Variants in RBFOX3 observed in about 807,000 individuals in gnomAD.
The protein encoded by RBFOX3 is RNA binding fox-1 homolog 3, also known as RNA binding protein fox-1 homolog 3.
Under a neutral mutation model 48.7 loss-of-function variants are expected in RBFOX3, and 17 were observed. That is an observed-to-expected ratio of 0.35 (90% CI 0.24 to 0.52). The LOEUF is 0.52. Ranked by LOEUF, RBFOX3 falls within the 20% of genes least tolerant of loss-of-function variation. The pLI, the probability that RBFOX3 is intolerant of heterozygous loss-of-function variation, is 0.94. For missense variants in RBFOX3, 382 were observed against 497.5 expected (o/e 0.77, Z 2.21); for synonymous variants, 212 against 209.5 (o/e 1.01, Z -0.10).
chr17:79,293,141 C>T (rs890378452), intron 3 of RBFOX3, among the ~76,000 whole-genome samples: 5 of 152,180 alleles, frequency 3.3e-5, no homozygotes, highest in Non-Finnish European at 7.3e-5. Flanking sequence ...TCATTTGACC[C>T]TTCCATCAGA....
At chr17:79,335,786 A>T (rs1438568451) in intron 2 of RBFOX3, among the ~76,000 whole-genome samples, 1 of 152,084 alleles carries the variant, frequency 6.6e-6, no homozygotes, top group Non-Finnish European at 1.5e-5. Flanking sequence ...TCCACATCTC[A>T]GATCCCCAAA....
intron 4 of RBFOX3, among the ~76,000 whole-genome samples, chr17:79,130,832 C>T (rs910609583): frequency 1.3e-5 from 2 of 152,274 alleles, no homozygotes; most frequent in Non-Finnish European, 2.9e-5. Context: ...TCTGGCCTCC[C>T]TGCCTGGAGG....
chr17:79,581,264 A>C (rs1277182348), intron 1 of RBFOX3, among the ~76,000 whole-genome samples: 1 of 151,860 alleles, frequency 6.6e-6, no homozygotes, highest in Non-Finnish European at 1.5e-5. Flanking sequence ...AAACAAAACA[A>C]ACAAAAAAAC....
intron 1 of RBFOX3, among the ~76,000 whole-genome samples, chr17:79,544,678 C>T (rs1458522889): frequency 6.6e-6 from 1 of 151,990 alleles, no homozygotes; most frequent in Non-Finnish European, 1.5e-5. Flanking sequence ...TGGCTGCCTT[C>T]CCCAGGGCTC....
At chr17:79,125,421 C>T (rs62064682) in intron 4 of RBFOX3, among the ~76,000 whole-genome samples, 7 of 152,228 alleles carry the variant, frequency 4.6e-5, no homozygotes, top group Non-Finnish European at 8.8e-5. Context: ...GAGCTGAGGA[C>T]CCCCAGAGGT....
chr17:79,291,793 A>G (rs2073315895), intron 3 of RBFOX3, among the ~76,000 whole-genome samples: 1 of 152,330 alleles, frequency 6.6e-6, no homozygotes, highest in East Asian at 1.9e-4. Flanking sequence ...GCCTTTCTAG[A>G]TGACCTCATG....
the RBFOX3 span, among the ~76,000 whole-genome samples, chr17:79,627,398 T>C: frequency 2.0e-5 from 3 of 152,188 alleles, no homozygotes; most frequent in Admixed American, 2.0e-4. Context: ...AAGCCAGGAC[T>C]TTGCCTGTGC....
At chr17:79,563,126 G>A (rs1002765769) in intron 1 of RBFOX3, among the ~76,000 whole-genome samples, 11 of 152,076 alleles carry the variant, frequency 7.2e-5, no homozygotes, top group Admixed American at 1.3e-4. Context: ...GAAATGAAGC[G>A]GATCTCAGAA....
At chr17:79,146,535 G>A (rs1568224256) in intron 4 of RBFOX3, among the ~76,000 whole-genome samples, 2 of 152,208 alleles carry the variant, frequency 1.3e-5, no homozygotes, top group African/African-American at 4.8e-5. Context: ...GGGCCTGGAA[G>A]AACCCTACAT....
At chr17:79,149,648 G>A (rs2043873516) in intron 4 of RBFOX3, among the ~76,000 whole-genome samples, 1 of 152,084 alleles carries the variant, frequency 6.6e-6, no homozygotes, top group African/African-American at 2.4e-5. Flanking sequence ...ACACACTGCA[G>A]AAGGTTGGGG....
At chr17:79,093,457 C>T (rs1475772839) in intron 14 of RBFOX3, among the ~76,000 whole-genome samples, 1 of 152,050 alleles carries the variant, frequency 6.6e-6, no homozygotes, top group African/African-American at 2.4e-5. Flanking sequence ...GGTATCACAC[C>T]TCCATCCGGG....
At chr17:79,347,175 T>C (rs1418557292) in intron 2 of RBFOX3, among the ~76,000 whole-genome samples, 3 of 152,226 alleles carry the variant, frequency 2.0e-5, no homozygotes, top group Non-Finnish European at 2.9e-5. Context: ...TATCACTCCA[T>C]TGTCTTCCTG....
At chr17:79,280,122 ACG>A (rs1204496484) in intron 3 of RBFOX3, among the ~76,000 whole-genome samples, 1 of 150,056 alleles carries the variant, frequency 6.7e-6, no homozygotes, top group African/African-American at 2.5e-5. Context: ...GCACACACAC[ACG>A]CACATACATG....
At chr17:79,132,300 C>A (rs913929931) in intron 4 of RBFOX3, among the ~76,000 whole-genome samples, 1 of 151,932 alleles carries the variant, frequency 6.6e-6, no homozygotes, top group Non-Finnish European at 1.5e-5. Flanking sequence ...AGAGGGCGTA[C>A]GTAGAAGAGC....
chr17:79,292,906 A>G (rs2073619204), intron 3 of RBFOX3, among the ~76,000 whole-genome samples: 1 of 152,182 alleles, frequency 6.6e-6, no homozygotes, highest in Admixed American at 6.5e-5. Flanking sequence ...GGGAGTTGGT[A>G]TAAAAGACAA....
At chr17:79,623,147 A>G in the RBFOX3 span, among the ~76,000 whole-genome samples, 3 of 152,132 alleles carry the variant, frequency 2.0e-5, no homozygotes, top group African/African-American at 7.2e-5. Context: ...TCCTTCCCTG[A>G]CCTCTGCAGG....
chr17:79,422,204 C>T (rs1555722845), intron 2 of RBFOX3, among the ~76,000 whole-genome samples: 2 of 152,072 alleles, frequency 1.3e-5, no homozygotes, highest in African/African-American at 4.8e-5. Context: ...ACAGGGGGAG[C>T]CATGTGCAGA....
intron 1 of RBFOX3, among the ~76,000 whole-genome samples, chr17:79,543,491 T>A (rs1555790950): frequency 2.6e-5 from 4 of 152,114 alleles, no homozygotes; most frequent in African/African-American, 9.6e-5. Flanking sequence ...TCAACACCCC[T>A]ACGTCTCTCG....
chr17:79,106,800 G>C lies in RBFOX3; in HGVS notation c.223-12C>G. 1 of 1,506,972 alleles carries C rather than the reference G, an allele frequency of 6.6e-7. No homozygotes were observed. Among genetic ancestry groups the C allele is most frequent in the South Asian group, 1.3e-5 (1 of 78,250 alleles). 93.4% of individuals were successfully genotyped at this position (1,506,972 alleles called of 1,614,324 possible). ...GCCTCGTCTGTCTGCTGCAGGGAGA[G>C]GACTGGGCTGTGGAGGCTGCCTCTG... is the stretch of plus-strand genomic sequence containing the variant. On this transcript the variant is annotated splice_polypyrimidine_tract_variant and intron_variant, in intron 5 of 14. Transcript: ENST00000693108.
Sources: gnomAD v4.1 joint callset for allele counts (sites outside exome capture counted in the v4.1 genomes callset) on GRCh38, gnomAD v4.1.1 for gene constraint, MANE v1.5 for transcripts, NCBI Gene and HGNC (gene_info 2026-07-23, HGNC 2026-07-21) for gene names.